SIAH3: variants seen among roughly 807,000 people sequenced by gnomAD.
SIAH3 encodes the protein seven in absentia homolog 3.
SIAH3 carries 9 observed loss-of-function variants against 12.6 expected under a neutral mutation model. The observed-to-expected ratio is 0.72, with a 90% CI of 0.43 to 1.25. The LOEUF is 1.25. Ranked by LOEUF, SIAH3 falls within the 50% of genes most tolerant of loss-of-function variation. The pLI is 0.00. For synonymous variants in SIAH3, 154 were observed against 151.1 expected (o/e 1.02, Z -0.14); for missense variants, 390 against 365.4 (o/e 1.07, Z -0.55).
chr13:45,830,976 C>G (rs1950696611), intron 1 of SIAH3, among the ~76,000 whole-genome samples: 1 of 151,976 alleles, frequency 6.6e-6, no homozygotes, highest in Admixed American at 6.6e-5. Context: ...GTTAGGAGCT[C>G]CAGACCAGCC....
chr13:45,828,354 C>A (rs1950686235), intron 1 of SIAH3, among the ~76,000 whole-genome samples: 1 of 152,152 alleles, frequency 6.6e-6, no homozygotes, highest in Admixed American at 6.5e-5. Context: ...GATCTTTATT[C>A]TGATGATCTT....
In SIAH3 at chr13:45,826,432, AAT is replaced by A. The variant is rs1566094898; in HGVS notation, c.135+25061_135+25062del. Among the ~76,000 whole-genome samples, 15 of 50,294 alleles carry A rather than the reference AAT, an allele frequency of 3.0e-4. 1 individual carries two copies. The highest frequency in any genetic ancestry group is 3.8e-3 in the East Asian group (2 of 530). 33.0% of individuals were successfully genotyped at this position (50,294 alleles called of 152,430 possible). A position where few individuals can be genotyped will look rare whatever the true frequency, so the allele number is the denominator to read the frequency against. On this transcript the variant is annotated intron_variant, in intron 1 of 1. Transcript: ENST00000400405. ...GGATGGATGGATGGATGGATGGATG[AAT>A]GGATGCATGGATGGATGGATGGATG...
chr13:45,800,278 G>C (rs775576650), intron 1 of SIAH3, among the ~76,000 whole-genome samples: 1 of 152,180 alleles, frequency 6.6e-6, no homozygotes, highest in African/African-American at 2.4e-5. Context: ...GTCAAGAGAT[G>C]TAGCTGAACA....
chr13:45,844,685 C>G (rs57303987), intron 1 of SIAH3, among the ~76,000 whole-genome samples: 8,854 of 152,156 alleles, frequency 0.058, 861 homozygotes, highest in African/African-American at 0.2. Flanking sequence ...TCTGGAGAAC[C>G]CTGACTAATA....
intron 1 of SIAH3, among the ~76,000 whole-genome samples, chr13:45,843,182 A>G (rs1037924253): frequency 6.6e-6 from 1 of 152,066 alleles, no homozygotes; most frequent in Non-Finnish European, 1.5e-5. Context: ...CAGAGGCTGC[A>G]GCCTAGACTG....
intron 1 of SIAH3, among the ~76,000 whole-genome samples, chr13:45,830,847 GA>G (rs1479773388): frequency 7.2e-5 from 11 of 152,032 alleles, no homozygotes; most frequent in African/African-American, 2.4e-4. Flanking sequence ...AAAGGCAGAG[GA>G]AGGTATTTTG....
intron 1 of SIAH3, among the ~76,000 whole-genome samples, chr13:45,848,053 T>C (rs1950766639): frequency 6.6e-6 from 1 of 152,064 alleles, no homozygotes; most frequent in South Asian, 2.1e-4. Flanking sequence ...AAGGCTTTCT[T>C]GGTTTAGAAA....
chr13:45,837,183 G>A (rs1950720695), intron 1 of SIAH3, among the ~76,000 whole-genome samples: 1 of 152,128 alleles, frequency 6.6e-6, no homozygotes, highest in Admixed American at 6.6e-5. Flanking sequence ...GGGGGCAAAG[G>A]AGGAAACCAA....
intron 1 of SIAH3, among the ~76,000 whole-genome samples, chr13:45,816,100 C>T (rs865857454): frequency 4.6e-5 from 7 of 152,322 alleles, no homozygotes; most frequent in South Asian, 2.1e-4. Context: ...GATGGAGGCA[C>T]GATTGGAGCC....
intron 1 of SIAH3, among the ~76,000 whole-genome samples, chr13:45,842,628 G>T (rs554976778): frequency 1.3e-5 from 2 of 152,174 alleles, no homozygotes; most frequent in South Asian, 4.1e-4. Flanking sequence ...GATTATAGGC[G>T]TGAACCACCG....
Position 45,781,510 on chromosome 13 carries a change from C to G in SIAH3, c.*1873G>C, listed in dbSNP as rs1256021956. The G allele has an allele frequency of 6.6e-6, 1 of 152,186 alleles. No individual in the cohort carries two copies. The highest frequency in any genetic ancestry group is 1.5e-5 in the Non-Finnish European group (1 of 68,034). The allele number at this position is 152,186 out of a possible 1,614,324, so 9.4% of individuals were successfully genotyped here. On this transcript the variant is annotated 3_prime_UTR_variant, in exon 2 of 2. Coordinates refer to ENST00000400405, the MANE Select transcript of SIAH3 (RefSeq NM_198849.3). ...GGTGCCCTGGCAGGGCATCTGAGAG[C>G]TCAAAGAATGCGCAGGCCCCAATCC...
intron 1 of SIAH3, among the ~76,000 whole-genome samples, chr13:45,833,620 A>G (rs1171562200): frequency 6.6e-6 from 1 of 152,236 alleles, no homozygotes. Flanking sequence ...AAGATTGCAG[A>G]GCACCTTGTC....
intron 1 of SIAH3, among the ~76,000 whole-genome samples, chr13:45,817,614 GCA>G (rs1950639186): frequency 7.0e-6 from 1 of 143,662 alleles, no homozygotes; most frequent in Non-Finnish European, 1.5e-5. Flanking sequence ...AGAAGAGAAA[GCA>G]ATGTGAAGAC....
At chr13:45,811,030 G>C (rs545068356) in intron 1 of SIAH3, among the ~76,000 whole-genome samples, 8 of 152,310 alleles carry the variant, frequency 5.3e-5, no homozygotes, top group African/African-American at 1.9e-4. Flanking sequence ...AATGAGCTTT[G>C]GAACCCTAAG....
At chr13:45,809,706 A>T (rs1950610111) in intron 1 of SIAH3, among the ~76,000 whole-genome samples, 1 of 152,234 alleles carries the variant, frequency 6.6e-6, no homozygotes, top group Non-Finnish European at 1.5e-5. Context: ...ATACAATCAA[A>T]TGTATTGCAT....
chr13:45,791,228 A>C (rs1056874926), intron 1 of SIAH3, among the ~76,000 whole-genome samples: 11 of 152,102 alleles, frequency 7.2e-5, no homozygotes, highest in African/African-American at 2.7e-4. Context: ...ACTAGGTTGG[A>C]AGTCATTGAG....
chr13:45,814,238 C>CAAAAAAAAAAAAAAAAAAA (rs56377017), intron 1 of SIAH3, among the ~76,000 whole-genome samples: 2 of 72,724 alleles, frequency 2.8e-5, no homozygotes, highest in African/African-American at 6.3e-5. Context: ...GACTCTGTCT[C>CAAAAAAAAAAAAAAAAAAA]AAAAAAAAAA....
rs75639922 is a variant in SIAH3 at position 45,817,402 on chromosome 13, T to C, written c.136-33345A>G. Reference sequence around the variant, plus strand: ...AGTGCAATCTGTGATATTCACAAGATGAAATTGCCTACTGATGCATTTCTC... The same window carrying C: ...AGTGCAATCTGTGATATTCACAAGACGAAATTGCCTACTGATGCATTTCTC... On this transcript the variant is annotated intron_variant, in intron 1 of 1. Transcript: ENST00000400405. Among the ~76,000 whole-genome samples the C allele has an allele frequency of 5.8e-3, 881 of 152,370 alleles. 7 individuals are homozygous for C. Among genetic ancestry groups the C allele is most frequent in the African/African-American group, 0.02 (823 of 41,582 alleles).
chr13:45,830,198 T>C (rs1950693538), intron 1 of SIAH3, among the ~76,000 whole-genome samples: 2 of 152,222 alleles, frequency 1.3e-5, no homozygotes, highest in African/African-American at 4.8e-5. Flanking sequence ...CCTTCTTCTC[T>C]TCTCATCCCT....
Sources: gnomAD v4.1 joint callset for allele counts (sites outside exome capture counted in the v4.1 genomes callset) on GRCh38, gnomAD v4.1.1 for gene constraint, MANE v1.5 for transcripts, NCBI Gene and HGNC (gene_info 2026-07-23, HGNC 2026-07-21) for gene names.